The following UBL3 variants were observed in gnomAD, a reference collection of about 807,000 sequenced individuals.
UBL3 encodes ubiquitin like 3.
Under a neutral mutation model 18.4 loss-of-function variants are expected in UBL3, and 6 were observed. That is an observed-to-expected ratio of 0.33 (90% CI 0.18 to 0.64). The LOEUF is 0.64. UBL3 is among the 30% of genes least tolerant of loss of function. The probability of loss-of-function intolerance (pLI) is 0.76; values close to 1 mark genes in which losing one functional copy is unlikely to be tolerated. For synonymous variants in UBL3, 49 were observed against 46.6 expected (o/e 1.05, Z -0.21); for missense variants, 109 against 142.9 (o/e 0.76, Z 1.21).
At chr13:29,810,604 T>C (rs914684568) in intron 1 of UBL3, among the ~76,000 whole-genome samples, 3 of 152,106 alleles carry the variant, frequency 2.0e-5, no homozygotes, top group Non-Finnish European at 4.4e-5. Context: ...CAGTGGTGTA[T>C]AGTACATTTT....
chr13:29,786,482 C>G (rs1877321481), intron 1 of UBL3, among the ~76,000 whole-genome samples: 1 of 151,872 alleles, frequency 6.6e-6, no homozygotes, highest in African/African-American at 2.4e-5. Context: ...AATAATGACC[C>G]ATTTTTTGAA....
intron 1 of UBL3, among the ~76,000 whole-genome samples, chr13:29,818,318 A>G (rs867713744): frequency 6.6e-6 from 1 of 152,246 alleles, no homozygotes; most frequent in Admixed American, 6.5e-5. Context: ...GAGAAAGTTA[A>G]TATGTGCAAA....
At chr13:29,800,675 A>C (rs1217229801) in intron 1 of UBL3, among the ~76,000 whole-genome samples, 1 of 152,220 alleles carries the variant, frequency 6.6e-6, no homozygotes, top group Non-Finnish European at 1.5e-5. Flanking sequence ...AAAATTTATA[A>C]AATATGGATG....
intron 2 of UBL3, among the ~76,000 whole-genome samples, chr13:29,774,905 G>A (rs1876940646): frequency 6.6e-6 from 1 of 152,098 alleles, no homozygotes; most frequent in Non-Finnish European, 1.5e-5. Flanking sequence ...TTAAATTTAT[G>A]ACTGTACTGG....
intron 1 of UBL3, among the ~76,000 whole-genome samples, chr13:29,840,350 T>C (rs1176158125): frequency 6.6e-6 from 1 of 152,158 alleles, no homozygotes; most frequent in Non-Finnish European, 1.5e-5. Context: ...ATACAATCAA[T>C]AATCTTCACA....
At chr13:29,774,916 T>C (rs955633454) in intron 2 of UBL3, among the ~76,000 whole-genome samples, 1 of 152,182 alleles carries the variant, frequency 6.6e-6, no homozygotes, top group Non-Finnish European at 1.5e-5. Flanking sequence ...ACTGTACTGG[T>C]GCCAAGCAGT....
intron 1 of UBL3, among the ~76,000 whole-genome samples, chr13:29,845,315 T>C (rs959345974): frequency 6.7e-6 from 1 of 149,062 alleles, no homozygotes; most frequent in African/African-American, 2.6e-5. Flanking sequence ...TCTTAATATA[T>C]TATTTATTAA....
At chr13:29,826,433 T>A (rs1878620814) in intron 1 of UBL3, among the ~76,000 whole-genome samples, 1 of 152,324 alleles carries the variant, frequency 6.6e-6, no homozygotes, top group African/African-American at 2.4e-5. Context: ...CGGGAGGGTG[T>A]ATGTGTCCAG....
intron 1 of UBL3, among the ~76,000 whole-genome samples, chr13:29,785,054 C>T (rs61434608): frequency 0.02 from 3,113 of 152,124 alleles, 104 homozygotes; most frequent in African/African-American, 0.069. Context: ...TACAGGTGCA[C>T]GCCACCATGC....
At chr13:29,800,713 G>T (rs538062045) in intron 1 of UBL3, among the ~76,000 whole-genome samples, 1 of 152,316 alleles carries the variant, frequency 6.6e-6, no homozygotes, top group East Asian at 1.9e-4. Flanking sequence ...CTTTCGGCAG[G>T]ATAGTTACCT....
At chr13:29,783,973 T>C (rs551533926) in intron 1 of UBL3, among the ~76,000 whole-genome samples, 2 of 152,322 alleles carry the variant, frequency 1.3e-5, no homozygotes, top group South Asian at 4.1e-4. Flanking sequence ...AAATGAATTA[T>C]ATATTTTTTA....
chr13:29,771,124 T>C (rs536927633), intron 3 of UBL3, among the ~76,000 whole-genome samples: 1 of 152,140 alleles, frequency 6.6e-6, no homozygotes, highest in African/African-American at 2.4e-5. Context: ...TAGCACAGTG[T>C]TGGCCCATAA....
intron 1 of UBL3, among the ~76,000 whole-genome samples, chr13:29,785,498 CTT>C (rs1777183576): frequency 1.3e-5 from 2 of 151,986 alleles, no homozygotes; most frequent in African/African-American, 4.8e-5. Context: ...CTATCAGTGA[CTT>C]ATTTTAATAT....
chr13:29,812,097 T>C (rs967901602), intron 1 of UBL3, among the ~76,000 whole-genome samples: 1 of 152,062 alleles, frequency 6.6e-6, no homozygotes, highest in African/African-American at 2.4e-5. Context: ...TTAATTCCTG[T>C]ATCCTTCAAG....
chr13:29,837,782 T>G (rs1448727634), intron 1 of UBL3, among the ~76,000 whole-genome samples: 2 of 151,706 alleles, frequency 1.3e-5, no homozygotes, highest in Non-Finnish European at 2.9e-5. Context: ...ATACAAAAAT[T>G]AGCCGGGCGT....
intron 1 of UBL3, among the ~76,000 whole-genome samples, chr13:29,819,419 A>C (rs1878368557): frequency 6.6e-6 from 1 of 152,230 alleles, no homozygotes; most frequent in South Asian, 2.1e-4. Context: ...AGAGTTCAAA[A>C]GAAACAGTTA....
intron 1 of UBL3, among the ~76,000 whole-genome samples, chr13:29,792,537 G>A (rs953912303): frequency 4.6e-5 from 7 of 152,182 alleles, no homozygotes; most frequent in Admixed American, 4.6e-4. Context: ...GAAAACGATT[G>A]TTTCACACTG....
chr13:29,841,672 G>T (rs1254765367), intron 1 of UBL3, among the ~76,000 whole-genome samples: 1 of 152,148 alleles, frequency 6.6e-6, no homozygotes, highest in Non-Finnish European at 1.5e-5. Flanking sequence ...TGTGCCTGAG[G>T]GATTCAGTAA....
chr13:29,781,343 T>G (rs1877169512), intron 1 of UBL3, among the ~76,000 whole-genome samples: 1 of 152,210 alleles, frequency 6.6e-6, no homozygotes, highest in African/African-American at 2.4e-5. Flanking sequence ...TTATTTCATC[T>G]TTAGTTTCTT....
Sources: gnomAD v4.1 joint callset for allele counts (sites outside exome capture counted in the v4.1 genomes callset) on GRCh38, gnomAD v4.1.1 for gene constraint, MANE v1.5 for transcripts, NCBI Gene and HGNC (gene_info 2026-07-23, HGNC 2026-07-21) for gene names.